SCEL: variants seen among roughly 807,000 people sequenced by gnomAD.
SCEL encodes sciellin.
Under a neutral mutation model 117.6 loss-of-function variants are expected in SCEL, and 113 were observed. The observed-to-expected ratio is 0.96, with a 90% CI of 0.83 to 1.12. SCEL has a LOEUF of 1.12. Ranked by LOEUF, SCEL falls within the 50% of genes most tolerant of loss-of-function variation. The probability of loss-of-function intolerance (pLI) is 0.00; values close to 1 mark genes in which losing one functional copy is unlikely to be tolerated. For missense variants in SCEL, 785 were observed against 810.8 expected (o/e 0.97, Z 0.39); for synonymous variants, 270 against 256.2 (o/e 1.05, Z -0.51).
intron 22 of SCEL, among the ~76,000 whole-genome samples, chr13:77,610,365 T>C (rs758219724): frequency 6.8e-6 from 1 of 145,988 alleles, no homozygotes; most frequent in Non-Finnish European, 1.5e-5. Flanking sequence ...GGCAGGAGAA[T>C]GACATGAACC....
intron 15 of SCEL, among the ~76,000 whole-genome samples, chr13:77,600,425 G>A (rs947595935): frequency 1.3e-5 from 2 of 151,936 alleles, no homozygotes; most frequent in East Asian, 1.9e-4. Flanking sequence ...CACCACGCCC[G>A]GCCACCACTG....
chr13:77,636,393 A>C (rs755891203), intron 29 of SCEL, among the ~76,000 whole-genome samples: 1 of 152,206 alleles, frequency 6.6e-6, no homozygotes, highest in Non-Finnish European at 1.5e-5. Flanking sequence ...GGAGAGAAAG[A>C]TAGGTTTCTC....
chr13:77,641,056 T>C (rs934381276), intron 31 of SCEL, among the ~76,000 whole-genome samples: 5 of 152,228 alleles, frequency 3.3e-5, no homozygotes, highest in Admixed American at 2.0e-4. Flanking sequence ...AAAACCCACT[T>C]GTTCTTTTTA....
intron 15 of SCEL, among the ~76,000 whole-genome samples, chr13:77,601,388 C>T (rs1274272494): frequency 6.6e-6 from 1 of 152,014 alleles, no homozygotes. Context: ...TTCCTTCTTT[C>T]TCACATTGAA....
chr13:77,597,624 G>A, intron 13 of SCEL, 35 bp downstream of exon 13: 1 of 1,226,342 alleles, frequency 8.2e-7, no homozygotes, highest in Non-Finnish European at 1.1e-6. Context: ...TTATTACTGA[G>A]TTGCATATTG....
rs2087466953 is a variant in SCEL at position 77,599,246 on chromosome 13, G to C, written c.798-83G>C. ...CAACAAGCTTCTGTTTCCTGTCTTA[G>C]ATGTAAACTGGTCTATGTTCTTATA... On this transcript the variant is annotated intron_variant, in intron 13 of 32. Coordinates refer to ENST00000349847, the MANE Select transcript of SCEL (RefSeq NM_144777.3). The C allele has an allele frequency of 8.7e-6, 8 of 914,704 alleles. No homozygotes were observed. In the Admixed American group the frequency reaches 1.7e-4, roughly 19 times the overall value. 56.7% of individuals were successfully genotyped at this position (914,704 alleles called of 1,614,324 possible).
intron 4 of SCEL, among the ~76,000 whole-genome samples, chr13:77,562,704 T>G (rs687456): frequency 0.65 from 98,935 of 151,994 alleles, 32,653 homozygotes; most frequent in South Asian, 0.73. Context: ...TAGACTTCCT[T>G]ATATTTCTCA....
intron 29 of SCEL, among the ~76,000 whole-genome samples, chr13:77,636,664 T>C (rs1249914111): frequency 6.6e-6 from 1 of 152,206 alleles, no homozygotes; most frequent in Non-Finnish European, 1.5e-5. Flanking sequence ...TATTCTTTCT[T>C]GGATATATTC....
chr13:77,617,008 A>G (rs1465490194), intron 24 of SCEL, among the ~76,000 whole-genome samples: 1 of 152,140 alleles, frequency 6.6e-6, no homozygotes, highest in Non-Finnish European at 1.5e-5. Context: ...AGCAAACTAT[A>G]TAAGAGGAAA....
At chr13:77,552,161 G>A (rs2084370140) in intron 1 of SCEL, among the ~76,000 whole-genome samples, 1 of 151,932 alleles carries the variant, frequency 6.6e-6, no homozygotes, top group Admixed American at 6.6e-5. Flanking sequence ...ACATACGTGT[G>A]CATGTGTCTT....
intron 1 of SCEL, among the ~76,000 whole-genome samples, chr13:77,540,672 A>G (rs1055837106): frequency 1.3e-5 from 2 of 152,224 alleles, no homozygotes; most frequent in Non-Finnish European, 1.5e-5. Context: ...AGCCCCAGGC[A>G]CTGGAAGGAG....
In SCEL at chr13:77,604,367, T is replaced by A. The variant is rs776715290; in HGVS notation, c.1109T>A (p.Leu370His). Reference protein sequence around the residue: ...GHENTTGKKDLDGLIKVDPET... With the variant: ...GHENTTGKKDHDGLIKVDPET... ...TTCCTTTTTCAAAGAAAAAAAGACC[T>A]TGATGGGCTTATTAAAGTGGATCCT... Residue 370 changes from leucine to histidine, a missense_variant, in exon 19 of 33, where the codon CTT (leucine) becomes CAT (histidine). Transcript: ENST00000349847. 5 of 1,575,590 alleles carry A rather than the reference T, an allele frequency of 3.2e-6. No homozygotes were observed. The highest frequency in any genetic ancestry group is 1.7e-4 in the Middle Eastern group (1 of 5,956).
intron 9 of SCEL, among the ~76,000 whole-genome samples, chr13:77,575,115 A>T (rs1482795827): frequency 6.6e-6 from 1 of 152,194 alleles, no homozygotes; most frequent in East Asian, 1.9e-4. Context: ...ACCATGGGTT[A>T]TCCCATCTCT....
chr13:77,624,592 C>T (rs889518643), intron 27 of SCEL, among the ~76,000 whole-genome samples: 6 of 152,124 alleles, frequency 3.9e-5, no homozygotes, highest in Non-Finnish European at 8.8e-5. Context: ...GTACATAGTT[C>T]AACCCAGAAC....
At chr13:77,641,197 A>C (rs1019027119) in intron 31 of SCEL, among the ~76,000 whole-genome samples, 3 of 152,222 alleles carry the variant, frequency 2.0e-5, no homozygotes, top group Admixed American at 6.5e-5. Flanking sequence ...CAATGGGTTT[A>C]ACAATAGGTG....
chr13:77,563,786 T>G, intron 4 of SCEL, 45 bp from the exon 5 acceptor site: 1 of 1,452,846 alleles, frequency 6.9e-7, no homozygotes, highest in Non-Finnish European at 9.4e-7. Context: ...TTTTTTTTTG[T>G]AATTGATTTG....
chr13:77,612,880 CA>C lies in SCEL; in HGVS notation c.1338-10del, dbSNP rs1567418739. ...AGTTGACTTAGCTATTGAAACTTAA[CA>C]TTTTTTTAGGAACCAAGACTTGGAA... On this transcript the variant is annotated splice_polypyrimidine_tract_variant and intron_variant, in intron 22 of 32. Coordinates refer to ENST00000349847, the MANE Select transcript of SCEL (RefSeq NM_144777.3). The C allele has an allele frequency of 1.3e-6, 2 of 1,513,936 alleles. No homozygotes were observed. The highest frequency in any genetic ancestry group is 1.8e-6 in the Non-Finnish European group (2 of 1,116,262). The allele number at this position is 1,513,936 out of a possible 1,614,324, so 93.8% of individuals were successfully genotyped here. A position where few individuals can be genotyped will look rare whatever the true frequency, so the allele number is the denominator to read the frequency against.
chr13:77,588,674 G>C (rs1189639799), intron 9 of SCEL, among the ~76,000 whole-genome samples: 1 of 152,150 alleles, frequency 6.6e-6, no homozygotes, highest in East Asian at 1.9e-4. Flanking sequence ...GTCAGATTTA[G>C]TTAAGAGCTT....
At chr13:77,604,311 C>G in intron 18 of SCEL, 45 bp from the exon 19 acceptor site, 1 of 1,217,610 alleles carries the variant, frequency 8.2e-7, no homozygotes, top group Non-Finnish European at 1.2e-6. Flanking sequence ...CTGATTAGTG[C>G]TATACTTTAA....
Sources: gnomAD v4.1 joint callset for allele counts (sites outside exome capture counted in the v4.1 genomes callset) on GRCh38, gnomAD v4.1.1 for gene constraint, MANE v1.5 for transcripts, NCBI Gene and HGNC (gene_info 2026-07-23, HGNC 2026-07-21) for gene names.